DIAPH2: variants seen among roughly 807,000 people sequenced by gnomAD.
DIAPH2 encodes the protein protein diaphanous homolog 2.
DIAPH2 carries 35 observed loss-of-function variants against 92.7 expected under a neutral mutation model. The ratio of observed to expected loss-of-function variants is 0.38; its 90% CI spans 0.29 to 0.50. The LOEUF (loss-of-function observed/expected upper bound fraction) is 0.50. Among genes scored for constraint, DIAPH2 ranks in the 20% least tolerant of loss-of-function variants. The pLI is 0.94. For synonymous variants in DIAPH2, 301 were observed against 280.4 expected, an observed-to-expected ratio of 1.07 and a Z score of -0.73; for missense variants, 701 against 819.5, an observed-to-expected ratio of 0.86 and a Z score of 1.77.
intron 23 of DIAPH2, among the ~76,000 whole-genome samples, chrX:97,333,289 A>G (rs143180559): frequency 0.013 from 1,479 of 111,461 alleles, 9 homozygotes; most frequent in Non-Finnish European, 0.02. Flanking sequence ...CCATTTTATC[A>G]AGGAGCCTAT....
intron 22 of DIAPH2, among the ~76,000 whole-genome samples, chrX:97,245,817 A>G (rs1284310321): frequency 9.0e-6 from 1 of 111,432 alleles, no homozygotes; most frequent in African/African-American, 3.3e-5. Flanking sequence ...ATGCCAAGGC[A>G]CCATATTTTT....
intron 4 of DIAPH2, among the ~76,000 whole-genome samples, chrX:96,788,553 C>T (rs2064476165): frequency 9.0e-6 from 1 of 111,424 alleles, no homozygotes; most frequent in South Asian, 3.8e-4. Context: ...AAAATTAACA[C>T]CCCTATTATT....
chrX:97,576,357 T>C (rs2147876877), intron 26 of DIAPH2, among the ~76,000 whole-genome samples: 1 of 111,832 alleles, frequency 8.9e-6, no homozygotes, highest in African/African-American at 3.2e-5. Flanking sequence ...AGTGTTTTGT[T>C]CTCTGTTCTC....
intron 23 of DIAPH2, among the ~76,000 whole-genome samples, chrX:97,293,334 C>G (rs776606419): frequency 7.9e-5 from 8 of 101,136 alleles, no homozygotes; most frequent in Admixed American, 3.4e-4. Flanking sequence ...CTCACTGCAA[C>G]CTCCGCCTCC....
At chrX:97,294,055 G>C (rs1325347071) in intron 23 of DIAPH2, among the ~76,000 whole-genome samples, 1 of 112,091 alleles carries the variant, frequency 8.9e-6, no homozygotes, top group Non-Finnish European at 1.9e-5. Flanking sequence ...TTATTGGCTG[G>C]ATTGAATATC....
chrX:96,751,652 GT>G (rs1219167141), intron 3 of DIAPH2, among the ~76,000 whole-genome samples: 61 of 60,298 alleles, frequency 1.0e-3, no homozygotes, highest in East Asian at 5.0e-3. Context: ...TCAGTGTTTT[GT>G]TTTTTTTTTT....
At chrX:97,464,953 A>G (rs895710498) in intron 26 of DIAPH2, among the ~76,000 whole-genome samples, 3 of 111,131 alleles carry the variant, frequency 2.7e-5, no homozygotes, top group Non-Finnish European at 5.7e-5. Context: ...GGTTCAAGCA[A>G]TTCTCCTGCC....
At chrX:97,142,470 T>C (rs749976519) in intron 22 of DIAPH2, among the ~76,000 whole-genome samples, 11 of 111,186 alleles carry the variant, frequency 9.9e-5, no homozygotes, top group Non-Finnish European at 1.3e-4. Context: ...AGCAGTAAGG[T>C]AGGTATCTCT....
chrX:96,986,865 A>G (rs764313231), intron 17 of DIAPH2, among the ~76,000 whole-genome samples: 2 of 111,453 alleles, frequency 1.8e-5, no homozygotes, highest in South Asian at 7.5e-4. Context: ...TAAATAAACC[A>G]TTCAATAGAC....
At chrX:97,249,485 TATC>T (rs1368436124) in intron 23 of DIAPH2, among the ~76,000 whole-genome samples, 1 of 112,083 alleles carries the variant, frequency 8.9e-6, no homozygotes, top group Non-Finnish European at 1.9e-5. Context: ...TTACTTTGCA[TATC>T]ATATTTTTTA....
intron 4 of DIAPH2, among the ~76,000 whole-genome samples, chrX:96,845,056 T>C (rs1225707340): frequency 8.9e-6 from 1 of 112,329 alleles, no homozygotes; most frequent in Non-Finnish European, 1.9e-5. Flanking sequence ...CAGTTAATCA[T>C]TAAACATTTT....
intron 22 of DIAPH2, among the ~76,000 whole-genome samples, chrX:97,167,794 G>GTTTAAGAT (rs1274623792): frequency 9.0e-6 from 1 of 111,425 alleles, no homozygotes; most frequent in East Asian, 2.8e-4. Flanking sequence ...CAATCTAGTG[G>GTTTAAGAT]TTTAAGATGG....
At chrX:97,209,436 A>G (rs182231927) in intron 22 of DIAPH2, among the ~76,000 whole-genome samples, 1 of 111,701 alleles carries the variant, frequency 9.0e-6, no homozygotes, top group African/African-American at 3.2e-5. Flanking sequence ...AATTGTGCCA[A>G]TACATATAAA....
intron 26 of DIAPH2, among the ~76,000 whole-genome samples, chrX:97,595,477 A>G (rs931017390): frequency 8.9e-6 from 1 of 112,044 alleles, no homozygotes; most frequent in Non-Finnish European, 1.9e-5. Context: ...AAGCTGGGCC[A>G]TGGTTTTATA....
intron 1 of DIAPH2, among the ~76,000 whole-genome samples, chrX:96,721,563 A>G (rs1023664038): frequency 8.9e-6 from 1 of 112,508 alleles, no homozygotes; most frequent in Admixed American, 9.4e-5. Context: ...TTTGTGCTCC[A>G]TAGCCCTTGC....
At chrX:96,997,439 CG>C (rs1011915484) in intron 17 of DIAPH2, among the ~76,000 whole-genome samples, 2 of 111,139 alleles carry the variant, frequency 1.8e-5, no homozygotes, top group African/African-American at 6.5e-5. Flanking sequence ...CCCCATACAT[CG>C]TGCTCCGTGG....
chrX:97,485,595 C>T (rs1602621400), intron 26 of DIAPH2, among the ~76,000 whole-genome samples: 1 of 112,847 alleles, frequency 8.9e-6, no homozygotes, highest in African/African-American at 3.2e-5. Context: ...ATTGTTGTGC[C>T]TTGCTGATTT....
At chrX:97,210,630 T>C (rs2067832337) in intron 22 of DIAPH2, among the ~76,000 whole-genome samples, 1 of 111,790 alleles carries the variant, frequency 8.9e-6, no homozygotes, top group African/African-American at 3.2e-5. Flanking sequence ...AAATATTTTA[T>C]GGTACTGACA....
chrX:96,999,667 G>C (rs1024058220), intron 17 of DIAPH2, among the ~76,000 whole-genome samples: 13 of 110,402 alleles, frequency 1.2e-4, no homozygotes, highest in Non-Finnish European at 1.7e-4. Context: ...ACAAAATGTT[G>C]GTACATGTAT....
Sources: gnomAD v4.1 joint callset for allele counts (sites outside exome capture counted in the v4.1 genomes callset) on GRCh38, gnomAD v4.1.1 for gene constraint, MANE v1.5 for transcripts, NCBI Gene and HGNC (gene_info 2026-07-23, HGNC 2026-07-21) for gene names.